Variants in LDB2 observed in about 807,000 individuals in gnomAD.
LDB2 encodes the protein LIM domain-binding protein 2.
In LDB2, 12 loss-of-function variants were observed where a neutral mutation model predicts 44.3. The ratio of observed to expected loss-of-function variants is 0.27; its 90% CI spans 0.17 to 0.44. The LOEUF (loss-of-function observed/expected upper bound fraction) is 0.44. LDB2 is among the 20% of genes least tolerant of loss of function. The pLI, the probability that LDB2 is intolerant of heterozygous loss-of-function variation, is 1.00. For missense variants in LDB2, 344 were observed against 473.5 expected (o/e 0.73, Z 2.54); for synonymous variants, 164 against 174.8 (o/e 0.94, Z 0.49).
At chr4:16,603,043 T>G (rs746898776) in intron 2 of LDB2, among the ~76,000 whole-genome samples, 1 of 152,166 alleles carries the variant, frequency 6.6e-6, no homozygotes, top group Non-Finnish European at 1.5e-5. Context: ...TTCGACATAT[T>G]CAGGTTATTT....
intron 2 of LDB2, among the ~76,000 whole-genome samples, chr4:16,659,556 C>G (rs1044168064): frequency 2.0e-5 from 3 of 147,196 alleles, no homozygotes; most frequent in African/African-American, 8.1e-5. Context: ...TTTAAGTAGG[C>G]AGGAGGGAGT....
At chr4:16,652,752 T>A (rs572352016) in intron 2 of LDB2, among the ~76,000 whole-genome samples, 62 of 152,316 alleles carry the variant, frequency 4.1e-4, no homozygotes, top group African/African-American at 1.5e-3. Context: ...TTCCACTTTT[T>A]AAGGGAATGT....
chr4:16,574,881 C>T (rs1337588748), intron 5 of LDB2, among the ~76,000 whole-genome samples: 3 of 152,128 alleles, frequency 2.0e-5, no homozygotes, highest in Non-Finnish European at 4.4e-5. Context: ...GAAACTTGTT[C>T]AAGGTTATTG....
intron 2 of LDB2, among the ~76,000 whole-genome samples, chr4:16,744,844 G>A (rs559713456): frequency 1.2e-4 from 19 of 152,236 alleles, no homozygotes; most frequent in Admixed American, 8.5e-4. Flanking sequence ...AGCTAGCTGG[G>A]TTGCCTTGAG....
chr4:16,770,383 G>T (rs1487006177), intron 1 of LDB2, among the ~76,000 whole-genome samples: 1 of 152,124 alleles, frequency 6.6e-6, no homozygotes, highest in Non-Finnish European at 1.5e-5. Context: ...TTAATTTTAT[G>T]ATAATTGAAC....
chr4:16,818,990 G>T (rs1164418108), intron 1 of LDB2, among the ~76,000 whole-genome samples: 2 of 152,110 alleles, frequency 1.3e-5, no homozygotes, highest in Non-Finnish European at 2.9e-5. Context: ...ATTGTATAAA[G>T]GCAAAGCCAA....
At chr4:16,816,248 T>A (rs191241084) in intron 1 of LDB2, among the ~76,000 whole-genome samples, 8 of 152,246 alleles carry the variant, frequency 5.3e-5, no homozygotes, top group African/African-American at 1.9e-4. Context: ...CCAAAGGCTA[T>A]GCAAATGCTG....
At chr4:16,851,844 A>T (rs1354046233) in intron 1 of LDB2, among the ~76,000 whole-genome samples, 1 of 152,218 alleles carries the variant, frequency 6.6e-6, no homozygotes, top group Non-Finnish European at 1.5e-5. Context: ...GTCTCCAGTG[A>T]GAGAGAGGAT....
intron 2 of LDB2, among the ~76,000 whole-genome samples, chr4:16,688,034 A>T (rs1005006581): frequency 2.6e-5 from 4 of 152,216 alleles, no homozygotes; most frequent in African/African-American, 9.6e-5. Flanking sequence ...TCTGAACCAC[A>T]TTATGAGTCA....
chr4:16,824,090 C>T lies in LDB2; in HGVS notation c.133-64830G>A, dbSNP rs188601077. ...TTAGGAATAAAAGTACTGCTCAACA[C>T]GTAGAATGTAAGACACTACCATTCG... On this transcript the variant is annotated intron_variant, in intron 1 of 7. Coordinates refer to ENST00000304523, the MANE Select transcript of LDB2 (RefSeq NM_001290.5). Among the ~76,000 whole-genome samples, 617 of 152,340 alleles carry T rather than the reference C, an allele frequency of 4.1e-3. 1 individual carries two copies. The highest frequency in any genetic ancestry group is 8.4e-3 in the Admixed American group (128 of 15,300).
chr4:16,520,263 G>T (rs1304570289), intron 5 of LDB2, among the ~76,000 whole-genome samples: 2 of 142,562 alleles, frequency 1.4e-5, no homozygotes, highest in African/African-American at 5.3e-5. Context: ...CTCTAATTAA[G>T]AAACACATAA....
intron 7 of LDB2, 129 bp from the exon 8 acceptor site, chr4:16,503,002 C>T (rs1717912922): frequency 6.3e-7 from 1 of 1,595,300 alleles, no homozygotes; most frequent in Non-Finnish European, 8.5e-7. Context: ...GGTCAAGTCT[C>T]AATGTCGGGG....
intron 5 of LDB2, among the ~76,000 whole-genome samples, chr4:16,570,733 T>TA (rs5856367): frequency 3.3e-5 from 5 of 151,710 alleles, no homozygotes; most frequent in Admixed American, 6.6e-5. Flanking sequence ...GAGCCAGTCA[T>TA]AAAAAAAATT....
intron 1 of LDB2, among the ~76,000 whole-genome samples, chr4:16,897,948 A>ATG (rs1447733016): frequency 1.7e-4 from 6 of 35,122 alleles, no homozygotes; most frequent in South Asian, 9.4e-4. Flanking sequence ...ACACATATGT[A>ATG]TATATATATA....
intron 2 of LDB2, among the ~76,000 whole-genome samples, chr4:16,702,371 C>T (rs1040532101): frequency 6.6e-6 from 1 of 152,100 alleles, no homozygotes; most frequent in Non-Finnish European, 1.5e-5. Flanking sequence ...AACTGCATGC[C>T]CTGCATGCTC....
intron 1 of LDB2, among the ~76,000 whole-genome samples, chr4:16,791,515 TCAGCACTCCAG>T (rs1199202507): frequency 3.0e-4 from 37 of 121,752 alleles, no homozygotes; most frequent in Non-Finnish European, 6.0e-4. Context: ...AGGTCATGCC[TCAGCACTCCAG>T]CCCGGGCAAC....
At chr4:16,848,516 G>A (rs1340420670) in intron 1 of LDB2, among the ~76,000 whole-genome samples, 1 of 152,182 alleles carries the variant, frequency 6.6e-6, no homozygotes, top group Non-Finnish European at 1.5e-5. Context: ...GTTAGCATGT[G>A]GAAGAATATT....
Position 16,585,329 on chromosome 4 carries a change from A to T in LDB2, c.615+593T>A, listed in dbSNP as rs573826616. 5.9e-5 allele frequency among the ~76,000 whole-genome samples: 9 copies of T among 152,182 alleles called. No homozygotes were observed. In the South Asian group the frequency reaches 1.9e-3, roughly 32 times the overall value. ...CCACCACAATGGCAGGGGTGTTAGG[A>T]TGGGCGGGTGGGGAGCACAGCTGAT... On this transcript the variant is annotated intron_variant, in intron 5 of 7. Coordinates refer to ENST00000304523, the MANE Select transcript of LDB2 (RefSeq NM_001290.5).
intron 2 of LDB2, among the ~76,000 whole-genome samples, chr4:16,707,268 A>G (rs1006421994): frequency 1.3e-5 from 2 of 152,166 alleles, no homozygotes; most frequent in African/African-American, 2.4e-5. Context: ...TAGGACTACT[A>G]TCTTTCTATT....
Sources: gnomAD v4.1 joint callset for allele counts (sites outside exome capture counted in the v4.1 genomes callset) on GRCh38, gnomAD v4.1.1 for gene constraint, MANE v1.5 for transcripts, NCBI Gene and HGNC (gene_info 2026-07-23, HGNC 2026-07-21) for gene names.